BYSL: variants seen among roughly 807,000 people sequenced by gnomAD.
BYSL encodes the protein bystin like.
BYSL carries 21 observed loss-of-function variants against 45.4 expected under a neutral mutation model. The observed-to-expected ratio is 0.46, with a 90% CI of 0.33 to 0.67. The LOEUF (loss-of-function observed/expected upper bound fraction) is 0.67. Ranked by LOEUF, BYSL falls within the 30% of genes least tolerant of loss-of-function variation. The pLI is 0.02. For missense variants in BYSL, 522 were observed against 578.5 expected (o/e 0.90, Z 1.00); for synonymous variants, 215 against 231.3 (o/e 0.93, Z 0.64).
At chr6:41,925,002 C>G (rs142591392) in intron 1 of BYSL, among the ~76,000 whole-genome samples, 3 of 152,176 alleles carry the variant, frequency 2.0e-5, no homozygotes, top group East Asian at 3.9e-4. Context: ...ACGATGGTGC[C>G]GTTTACTGAG....
chr6:41,916,689 C>T (rs1172948086), upstream of BYSL: 6 of 1,466,710 alleles, frequency 4.1e-6, no homozygotes, highest in African/African-American at 5.6e-5. Context: ...TTTAAGAATA[C>T]CACCTTTAGC....
At chr6:41,916,167 G>C in the BYSL span, among the ~76,000 whole-genome samples, 1 of 151,592 alleles carries the variant, frequency 6.6e-6, no homozygotes, top group Non-Finnish European at 1.5e-5. Context: ...AGGATCACTT[G>C]AGCCCAAGGG....
the BYSL span, among the ~76,000 whole-genome samples, chr6:41,913,450 A>G: frequency 1.3e-5 from 2 of 152,300 alleles, no homozygotes; most frequent in East Asian, 3.9e-4. Context: ...GCCATCTCAT[A>G]TCTATATCCA....
chr6:41,924,754 C>T (rs1775540151), intron 1 of BYSL, among the ~76,000 whole-genome samples: 1 of 152,108 alleles, frequency 6.6e-6, no homozygotes, highest in Admixed American at 6.5e-5. Flanking sequence ...TGGAAGGTGA[C>T]CGTCTGCAGA....
At chr6:41,931,080 G>C (rs1775631481) in intron 4 of BYSL, among the ~76,000 whole-genome samples, 1 of 86,534 alleles carries the variant, frequency 1.2e-5, no homozygotes, top group African/African-American at 5.2e-5. Context: ...CCTGTAGCAG[G>C]ACCCTCAGAA....
chr6:41,912,809 C>T, the BYSL span, among the ~76,000 whole-genome samples: 1 of 152,004 alleles, frequency 6.6e-6, no homozygotes, highest in East Asian at 1.9e-4. Flanking sequence ...CACCTGGGAA[C>T]TTATTAGAAA....
chr6:41,909,173 CAAA>C, the BYSL span: 88 of 1,313,032 alleles, frequency 6.7e-5, no homozygotes, highest in South Asian at 1.0e-4. Flanking sequence ...GACTCTGTCT[CAAA>C]AAAAAAAAAA....
At chr6:41,931,660 A>G (rs1477657411) in intron 5 of BYSL, 68 bp from the exon 6 acceptor site, 1 of 1,606,684 alleles carries the variant, frequency 6.2e-7, no homozygotes, top group South Asian at 1.1e-5. Context: ...GCTGGGTGGG[A>G]ATGCTTCCTG....
rs1775650301 is a variant in BYSL at position 41,932,189 on chromosome 6, C to G, written c.969-172C>G. Among the ~76,000 whole-genome samples, 1 of 151,982 alleles carries G rather than the reference C, an allele frequency of 6.6e-6. No individual in the cohort carries two copies. Among genetic ancestry groups the G allele is most frequent in the Admixed American group, 6.6e-5 (1 of 15,260 alleles). On this transcript the variant is annotated intron_variant, in intron 6 of 6. Coordinates refer to ENST00000230340, the MANE Select transcript of BYSL (RefSeq NM_004053.4). This position sits in a 1 kb window ranked among gnomAD's most constrained non-coding sequence, Gnocchi z 4.7. ...GGGTGGATCCCTGTAGAGATGGTGA[C>G]TGAGGTCAAGGGAGTATAATATGAT... is the stretch of plus-strand genomic sequence containing the variant.
chr6:41,910,418 G>A, the BYSL span, among the ~76,000 whole-genome samples: 1 of 151,912 alleles, frequency 6.6e-6, no homozygotes, highest in African/African-American at 2.4e-5. Context: ...GATCACTTGA[G>A]GTCAGGAGTT....
the BYSL span, among the ~76,000 whole-genome samples, chr6:41,913,342 C>T: frequency 8.1e-4 from 123 of 152,266 alleles, no homozygotes; most frequent in South Asian, 7.3e-3. Context: ...CTCTTTCCTG[C>T]CTGCCATGAA....
rs750647786 is a variant in BYSL at position 41,921,717 on chromosome 6, C to T, written c.155C>T (p.Pro52Leu). 1 of 1,613,402 alleles carries T rather than the reference C, an allele frequency of 6.2e-7. No homozygotes were observed. Among genetic ancestry groups the T allele is most frequent in the South Asian group, 1.1e-5 (1 of 91,048 alleles). The change falls in exon 1 of 7, where the codon CCC (proline) becomes CTC (leucine). Residue 52 changes from proline to leucine, a missense_variant. Pro to Leu is a moderately conservative substitution (Grantham distance 98, BLOSUM62 -3). Coordinates refer to ENST00000230340, the MANE Select transcript of BYSL (RefSeq NM_004053.4). ...GAAGCGGAGGAAGAGTATGTGGGGCCCCGGCTGAGCCGACGGATTTTGCAG... is the reference window on the plus strand; with the variant it reads ...GAAGCGGAGGAAGAGTATGTGGGGCTCCGGCTGAGCCGACGGATTTTGCAG... ...TGEAEEEYVG[P>L]RLSRRILQQA...
the BYSL span, among the ~76,000 whole-genome samples, chr6:41,909,877 T>A: frequency 1.2e-4 from 18 of 152,348 alleles, no homozygotes; most frequent in Admixed American, 9.1e-4. Flanking sequence ...ATCTTTTGTA[T>A]ATTATCATAT....
upstream of BYSL, among the ~76,000 whole-genome samples, chr6:41,918,757 C>T (rs1056170114): frequency 1.3e-4 from 20 of 150,422 alleles, no homozygotes; most frequent in Admixed American, 6.6e-5. Context: ...ACCATCCTGG[C>T]TAACAAGGTG....
At chr6:41,909,186 A>T in the BYSL span, 2 of 1,504,228 alleles carry the variant, frequency 1.3e-6, no homozygotes, top group Non-Finnish European at 8.9e-7. Flanking sequence ...AAAAAAAAAA[A>T]GAGAAGAACT....
Position 41,927,556 on chromosome 6 carries a change from A to T in BYSL, c.431+20A>T. ...TGCCAGGTAGGCCTGGGGATTTGGG[A>T]TAATGAGTCCTTGTAGAAAGTTCCC... On this transcript the variant is annotated intron_variant, in intron 2 of 6. Transcript: ENST00000230340. 2 of 1,611,758 alleles carry T rather than the reference A, an allele frequency of 1.2e-6. No individual in the cohort carries two copies. Among genetic ancestry groups the T allele is most frequent in the South Asian group, 1.1e-5 (1 of 90,976 alleles).
At chr6:41,923,313 T>TC (rs1775518117) in intron 1 of BYSL, among the ~76,000 whole-genome samples, 1 of 146,778 alleles carries the variant, frequency 6.8e-6, no homozygotes. Flanking sequence ...AACTAATTCT[T>TC]TTTTTTTTTT....
At chr6:41,911,675 C>A in the BYSL span, among the ~76,000 whole-genome samples, 2 of 152,038 alleles carry the variant, frequency 1.3e-5, no homozygotes, top group African/African-American at 2.4e-5. Context: ...GAGTGTGCAA[C>A]TGAAAAGGGT....
At chr6:41,929,430 A>G (rs774089638) in intron 2 of BYSL, among the ~76,000 whole-genome samples, 14 of 152,188 alleles carry the variant, frequency 9.2e-5, no homozygotes, top group Non-Finnish European at 1.8e-4. Context: ...CCAGAGAGAT[A>G]GAGGCTGCAG....
Sources: allele counts gnomAD v4.1 joint callset (sites outside exome capture counted in the v4.1 genomes callset), GRCh38; gene constraint gnomAD v4.1.1; non-coding constraint Gnocchi (gnomAD v3.1); transcripts MANE v1.5; gene names NCBI Gene and HGNC (gene_info 2026-07-23, HGNC 2026-07-21).